The following KIF13A variants were observed in gnomAD, a reference collection of about 807,000 sequenced individuals.
The protein encoded by KIF13A is kinesin-like protein KIF13A.
In KIF13A, 79 loss-of-function variants were observed where a neutral mutation model predicts 212.2. The ratio of observed to expected loss-of-function variants is 0.37; its 90% CI spans 0.31 to 0.45. The LOEUF (loss-of-function observed/expected upper bound fraction) is 0.45. Among genes scored for constraint, KIF13A ranks in the 20% least tolerant of loss-of-function variants. KIF13A has a pLI of 1.00. For missense variants in KIF13A, 1,901 were observed against 2,209.0 expected (o/e 0.86, Z 2.79); for synonymous variants, 789 against 808.6 (o/e 0.98, Z 0.41).
Position 17,825,374 on chromosome 6 carries a change from T to C in KIF13A, c.1786+394A>G, listed in dbSNP as rs1411390741. On this transcript the variant is annotated intron_variant, in intron 16 of 38. Coordinates refer to ENST00000259711, the MANE Select transcript of KIF13A (RefSeq NM_022113.6). This position sits in a 1 kb window ranked among gnomAD's most constrained non-coding sequence, Gnocchi z 4.5. Reference sequence around the variant, plus strand: ...AAATGCTGTGACTTTTATCTTTCCATAGATTATATTTGAAATTCCTGAATT... The same window carrying C: ...AAATGCTGTGACTTTTATCTTTCCACAGATTATATTTGAAATTCCTGAATT... Among the ~76,000 whole-genome samples, 1 of 152,224 alleles carries C rather than the reference T, an allele frequency of 6.6e-6. No individual in the cohort carries two copies. The highest frequency in any genetic ancestry group is 1.5e-5 in the Non-Finnish European group (1 of 68,034).
rs911225426 is a variant in KIF13A at position 17,961,776 on chromosome 6, G to T, written c.146+25278C>A. On this transcript the variant is annotated intron_variant, in intron 2 of 38. Transcript: ENST00000259711. This position sits in a 1 kb window ranked among gnomAD's most constrained non-coding sequence, Gnocchi z 4.1. ...GATGTCCACCTCCAGCAACGACATAGACTGCAGCGCACACCAGGCGTCTTA... is the reference window on the plus strand; with the variant it reads ...GATGTCCACCTCCAGCAACGACATATACTGCAGCGCACACCAGGCGTCTTA... Among the ~76,000 whole-genome samples, 1 of 152,188 alleles carries T rather than the reference G, an allele frequency of 6.6e-6. No individual in the cohort carries two copies. Among genetic ancestry groups the T allele is most frequent in the Non-Finnish European group, 1.5e-5 (1 of 68,034 alleles).
chr6:17,847,172 TCCCACAAGCCCCACCGGCAGGCATGG>T (rs757793198), intron 9 of KIF13A, among the ~76,000 whole-genome samples: 10 of 152,314 alleles, frequency 6.6e-5, no homozygotes, highest in Non-Finnish European at 1.3e-4. Flanking sequence ...TCTAGTGTGA[TCCCACAAGCCCCACCGGCAGGCATGG>T]CCCAGCACTT....
At chr6:17,933,202 G>C (rs1462432530) in intron 2 of KIF13A, among the ~76,000 whole-genome samples, 1 of 152,032 alleles carries the variant, frequency 6.6e-6, no homozygotes, top group African/African-American at 2.4e-5. Flanking sequence ...CCAAGAAAGT[G>C]CAGGTATAAC....
intron 28 of KIF13A, among the ~76,000 whole-genome samples, chr6:17,784,953 G>A (rs1760919804): frequency 6.6e-6 from 1 of 152,120 alleles, no homozygotes; most frequent in Admixed American, 6.5e-5. Flanking sequence ...GACTATCTGG[G>A]CATGTACATT....
chr6:17,861,959 C>T (rs914314424), intron 4 of KIF13A, among the ~76,000 whole-genome samples: 2 of 152,094 alleles, frequency 1.3e-5, no homozygotes, highest in Non-Finnish European at 2.9e-5. Context: ...AATCCTTTTT[C>T]ACCCCCAAAT....
rs1172470845 is a variant in KIF13A, at chr6:17,952,920, A to G, written c.146+34134T>C. Among the ~76,000 whole-genome samples, 3 of 94,454 alleles carry G rather than the reference A, an allele frequency of 3.2e-5. No individual in the cohort carries two copies. In the East Asian group the frequency reaches 8.9e-4, roughly 28 times the overall value. The allele number at this position is 94,454 out of a possible 152,430, so 62.0% of individuals were successfully genotyped here. On this transcript the variant is annotated intron_variant, in intron 2 of 38. Coordinates refer to ENST00000259711, the MANE Select transcript of KIF13A (RefSeq NM_022113.6). ...ACTCCAGCCTGGGCGACAGAGCAAG[A>G]CTGTCTCCAAAAAAAAAAAAAGAGA...
At chr6:17,760,783 G>T, downstream of KIF13A, 3 of 1,467,866 alleles carry the variant, frequency 2.0e-6, no homozygotes, top group Non-Finnish European at 2.9e-6. Context: ...TTAGAGATGG[G>T]GCTGGTGCTT....
Position 17,799,308 on chromosome 6 carries a change from C to T in KIF13A, c.2748G>A (p.Gln916=). The change falls in exon 22 of 39, where the codon CAG becomes CAA. Residue 916 remains glutamine (Q), a synonymous_variant. Transcript: ENST00000259711. This position sits in a 1 kb window ranked among gnomAD's most constrained non-coding sequence, Gnocchi z 4.4. Reference sequence around the variant, plus strand: ...TCACTGTGTACTGGGCATCCTTGGACTGTGGTGAAGGCACCTCGGGGTCCA... The same window carrying T: ...TCACTGTGTACTGGGCATCCTTGGATTGTGGTGAAGGCACCTCGGGGTCCA... ...PVVDPEVPSP[Q]SKDAQYTVTF... The T allele has an allele frequency of 6.2e-7, 1 of 1,613,198 alleles. No homozygotes were observed. Among genetic ancestry groups the T allele is most frequent in the South Asian group, 1.1e-5 (1 of 90,926 alleles).
In KIF13A at chr6:17,816,890, G is replaced by T; in HGVS notation, c.2000+130C>A. On this transcript the variant is annotated intron_variant, in intron 17 of 38. Coordinates refer to ENST00000259711, the MANE Select transcript of KIF13A (RefSeq NM_022113.6). This position sits in a 1 kb window ranked among gnomAD's most constrained non-coding sequence, Gnocchi z 4.3. ...TATTTGTGAAAGGAAAAGCTAATTG[G>T]CAATATCACGTATGGGATTAAGAGT... The T allele has an allele frequency of 1.5e-6, 1 of 667,422 alleles. No individual in the cohort carries two copies. The highest frequency in any genetic ancestry group is 2.5e-6 in the Non-Finnish European group (1 of 397,266). 41.3% of individuals were successfully genotyped at this position (667,422 alleles called of 1,614,324 possible). A position where few individuals can be genotyped will look rare whatever the true frequency, so the allele number is the denominator to read the frequency against.
chr6:17,985,601 A>C (rs1200326787), intron 2 of KIF13A, among the ~76,000 whole-genome samples: 2 of 115,178 alleles, frequency 1.7e-5, no homozygotes, highest in Admixed American at 1.2e-4. Context: ...CTGACCCAAC[A>C]GAATTTTTTC....
At chr6:17,903,964 G>T (rs1022919230) in intron 2 of KIF13A, among the ~76,000 whole-genome samples, 1 of 151,078 alleles carries the variant, frequency 6.6e-6, no homozygotes, top group African/African-American at 2.4e-5. Context: ...ACCACCCTAG[G>T]CAACACAGTA....
At chr6:17,854,617 G>A (rs1581534193) in intron 6 of KIF13A, among the ~76,000 whole-genome samples, 1 of 127,874 alleles carries the variant, frequency 7.8e-6, no homozygotes, top group Non-Finnish European at 1.6e-5. Context: ...GTGCAGTGGC[G>A]TGATCTCAAC....
At chr6:17,953,027 A>C (rs1377231462) in intron 2 of KIF13A, among the ~76,000 whole-genome samples, 1 of 152,184 alleles carries the variant, frequency 6.6e-6, no homozygotes, top group Non-Finnish European at 1.5e-5. Flanking sequence ...GTATAACAGG[A>C]ATATATTAAT....
At position 17,834,432 on chromosome 6, in the gene KIF13A, C is replaced by T. The variant is rs1765742243; in HGVS notation, c.1156-361G>A. 6.6e-6 allele frequency among the ~76,000 whole-genome samples: 1 copy of T among 152,198 alleles called. No homozygotes were observed. Among genetic ancestry groups the T allele is most frequent in the Non-Finnish European group, 1.5e-5 (1 of 68,032 alleles). On this transcript the variant is annotated intron_variant, in intron 11 of 38. Coordinates refer to ENST00000259711, the MANE Select transcript of KIF13A (RefSeq NM_022113.6). The surrounding 1 kb of genome is among the most constrained non-coding windows in gnomAD (Gnocchi z 4.0). ...TCTTTTTCAATAAGACGGAGGTTAACACTCATCATCAATAAATGAATTCCA... is the reference window on the plus strand; with the variant it reads ...TCTTTTTCAATAAGACGGAGGTTAATACTCATCATCAATAAATGAATTCCA...
At chr6:17,830,661 G>C (rs1157779067) in intron 13 of KIF13A, among the ~76,000 whole-genome samples, 1 of 152,184 alleles carries the variant, frequency 6.6e-6, no homozygotes, top group Non-Finnish European at 1.5e-5. Context: ...GAACATTGTT[G>C]TCTATTTAAT....
intron 2 of KIF13A, among the ~76,000 whole-genome samples, chr6:17,985,217 C>A (rs1781437570): frequency 6.6e-6 from 1 of 152,150 alleles, no homozygotes; most frequent in Admixed American, 6.6e-5. Flanking sequence ...TATTTCAATG[C>A]TATTTTTATA....
Position 17,771,530 on chromosome 6 carries a change from C to T in KIF13A, c.4477-312G>A, listed in dbSNP as rs1251231790. On this transcript the variant is annotated intron_variant, in intron 37 of 38. Transcript: ENST00000259711. This position sits in a 1 kb window ranked among gnomAD's most constrained non-coding sequence, Gnocchi z 5.4. ...TCACTTGAGGCCAGGAGTTTCAGAC[C>T]AGCCTGGGCAACACAGCAAGACCCT... is the stretch of plus-strand genomic sequence containing the variant. 1.3e-5 allele frequency: 5 copies of T among 387,262 alleles called. No individual in the cohort carries two copies. Among genetic ancestry groups the T allele is most frequent in the South Asian group, 4.9e-5 (1 of 20,216 alleles). 24.0% of individuals were successfully genotyped at this position (387,262 alleles called of 1,614,324 possible). A position where few individuals can be genotyped will look rare whatever the true frequency, so the allele number is the denominator to read the frequency against.
intron 35 of KIF13A, among the ~76,000 whole-genome samples, 177 bp downstream of exon 35, chr6:17,774,838 G>T (rs1263608484): frequency 6.6e-6 from 1 of 151,438 alleles, no homozygotes; most frequent in Non-Finnish European, 1.5e-5. Context: ...AAATGGAGTT[G>T]TGGAGAGAGT....
chr6:17,781,351 A>T, intron 29 of KIF13A, 50 bp from the exon 30 acceptor site: 1 of 1,501,726 alleles, frequency 6.7e-7, no homozygotes, highest in Non-Finnish European at 8.9e-7. Context: ...GTCAGTTTTT[A>T]AGCAAACACC....
Sources: allele counts gnomAD v4.1 joint callset (sites outside exome capture counted in the v4.1 genomes callset), GRCh38; gene constraint gnomAD v4.1.1; non-coding constraint Gnocchi (gnomAD v3.1); transcripts MANE v1.5; gene names NCBI Gene and HGNC (gene_info 2026-07-23, HGNC 2026-07-21).